The following PPM1A variants were observed in gnomAD, a reference collection of about 807,000 sequenced individuals.
PPM1A encodes protein phosphatase 1A.
PPM1A carries 7 observed loss-of-function variants against 35.0 expected under a neutral mutation model. That is an observed-to-expected ratio of 0.20 (90% CI 0.11 to 0.38). The LOEUF is 0.38. Among genes scored for constraint, PPM1A ranks in the 10% least tolerant of loss-of-function variants. PPM1A has a pLI of 1.00. For missense variants in PPM1A, 239 were observed against 467.8 expected (o/e 0.51, Z 4.51); for synonymous variants, 153 against 167.3 (o/e 0.91, Z 0.66).
chr14:60,258,307 C>T (rs1376865100), intron 1 of PPM1A, among the ~76,000 whole-genome samples: 1 of 152,064 alleles, frequency 6.6e-6, no homozygotes, highest in South Asian at 2.1e-4. Flanking sequence ...CCCAGAAATT[C>T]GTTTGTGTCT....
intron 1 of PPM1A, among the ~76,000 whole-genome samples, chr14:60,262,487 C>T (rs1472838566): frequency 6.6e-6 from 1 of 152,074 alleles, no homozygotes; most frequent in East Asian, 1.9e-4. Context: ...AGTTTGAGAC[C>T]AGCCAGGGCA....
chr14:60,246,267 T>C (rs2139282700), upstream of PPM1A, among the ~76,000 whole-genome samples: 1 of 152,294 alleles, frequency 6.6e-6, no homozygotes, highest in Non-Finnish European at 1.5e-5. Context: ...ATGTAAACCT[T>C]TTTTTAAGTC....
intron 3 of PPM1A, chr14:60,287,343 T>G (rs1887122500): frequency 2.0e-6 from 2 of 983,966 alleles, no homozygotes; most frequent in African/African-American, 3.5e-5. Context: ...TAAAGTGTTA[T>G]TATACTTGTA....
rs1888176594 is a variant in PPM1A at position 60,297,897 on chromosome 14, G to A, written c.*5415G>A. 1 of 151,416 alleles carries A rather than the reference G, an allele frequency of 6.6e-6. No homozygotes were observed. The highest frequency in any genetic ancestry group is 1.5e-5 in the Non-Finnish European group (1 of 67,580). The allele number at this position is 151,416 out of a possible 1,614,324, so 9.4% of individuals were successfully genotyped here. On this transcript the variant is annotated 3_prime_UTR_variant, in exon 6 of 6. Coordinates refer to ENST00000395076, the MANE Select transcript of PPM1A (RefSeq NM_021003.5). ...TATTGTAGTGGTTCATGGGCCCCCT[G>A]GTTAAGAGCCCATTCTAAAGTACAA...
At chr14:60,266,523 G>T (rs1884398777) in intron 1 of PPM1A, among the ~76,000 whole-genome samples, 2 of 151,964 alleles carry the variant, frequency 1.3e-5, no homozygotes, top group Non-Finnish European at 2.9e-5. Context: ...TTAATCTCTT[G>T]GTATTTATTT....
At chr14:60,265,220 A>G (rs1477190384) in intron 1 of PPM1A, among the ~76,000 whole-genome samples, 9 of 152,166 alleles carry the variant, frequency 5.9e-5, no homozygotes, top group Non-Finnish European at 4.4e-5. Flanking sequence ...ATTTCTTCTC[A>G]CTGGACACAT....
chr14:60,289,886 C>T lies in PPM1A; in HGVS notation c.1033C>T (p.Leu345Phe). 1 of 1,589,592 alleles carries T rather than the reference C, an allele frequency of 6.3e-7. No homozygotes were observed. Among genetic ancestry groups the T allele is most frequent in the Non-Finnish European group, 8.5e-7 (1 of 1,172,850 alleles). Residue 345 changes from leucine (L) to phenylalanine (F), a missense_variant, in exon 4 of 6, where the codon CTC becomes TTC. Leu to Phe is a conservative substitution (Grantham distance 22, BLOSUM62 0). This residue lies in a region of PPM1A where 64 missense variants were observed against 78.6 expected (regional missense o/e 0.81). Transcript: ENST00000395076. The surrounding 1 kb of genome is among the most constrained non-coding windows in gnomAD (Gnocchi z 4.1). ...RTLASENIPS[L>F]PPGGELASKR... ...ATTAGCGAGTGAGAACATCCCCAGC[C>T]TCCCACCAGGGGGTGAATTGGCAAG...
intron 1 of PPM1A, among the ~76,000 whole-genome samples, chr14:60,279,864 C>T (rs1324280525): frequency 6.6e-6 from 1 of 152,052 alleles, no homozygotes; most frequent in East Asian, 1.9e-4. Flanking sequence ...CCTCCTCTGG[C>T]AGAAAAAATG....
intron 1 of PPM1A, among the ~76,000 whole-genome samples, chr14:60,260,036 T>C (rs933055449): frequency 1.1e-4 from 16 of 152,110 alleles, no homozygotes; most frequent in African/African-American, 3.6e-4. Context: ...CTTTGTGAGA[T>C]TGAAACTGCT....
At chr14:60,249,129 G>T (rs1192229539), upstream of PPM1A, 1 of 708,998 alleles carries the variant, frequency 1.4e-6, no homozygotes, top group Non-Finnish European at 1.7e-6. The surrounding 1 kb of genome is among the most constrained non-coding windows in gnomAD (Gnocchi z 4.5). Flanking sequence ...CCGCGCCGCA[G>T]CTGTAGCGGC....
Position 60,292,373 on chromosome 14 carries a change from C to T in PPM1A, c.1120-80C>T, listed in dbSNP as rs1401574338. The T allele has an allele frequency of 9.5e-7, 1 of 1,047,312 alleles. No homozygotes were observed. The highest frequency in any genetic ancestry group is 1.6e-5 in the African/African-American group (1 of 63,556). The allele number at this position is 1,047,312 out of a possible 1,614,324, so 64.9% of individuals were successfully genotyped here. A position where few individuals can be genotyped will look rare whatever the true frequency, so the allele number is the denominator to read the frequency against. On this transcript the variant is annotated intron_variant, in intron 5 of 5. Transcript: ENST00000395076. This position sits in a 1 kb window ranked among gnomAD's most constrained non-coding sequence, Gnocchi z 4.2. ...GTCATCTTTACAGAACATTATCTTTCTCCATTATCCAGAAAGTATGGTGTA... is the reference window on the plus strand; with the variant it reads ...GTCATCTTTACAGAACATTATCTTTTTCCATTATCCAGAAAGTATGGTGTA...
At chr14:60,264,502 CAT>C (rs1418040219) in intron 1 of PPM1A, among the ~76,000 whole-genome samples, 4 of 152,062 alleles carry the variant, frequency 2.6e-5, no homozygotes, top group Non-Finnish European at 2.9e-5. Context: ...ATAACTGTGA[CAT>C]GTTAATATTT....
At chr14:60,249,220 T>C, upstream of PPM1A, 2 of 983,936 alleles carry the variant, frequency 2.0e-6, no homozygotes, top group Non-Finnish European at 2.4e-6. This position sits in a 1 kb window ranked among gnomAD's most constrained non-coding sequence, Gnocchi z 4.5. Context: ...GGGGCCGCGC[T>C]AGAGGCGGCG....
chr14:60,282,561 T>C lies in PPM1A; in HGVS notation c.-20-123T>C, dbSNP rs958753115. 1.6e-6 allele frequency: 2 copies of C among 1,241,034 alleles called. No homozygotes were observed. Among genetic ancestry groups the C allele is most frequent in the South Asian group, 1.5e-5 (1 of 64,790 alleles). The allele number at this position is 1,241,034 out of a possible 1,614,324, so 76.9% of individuals were successfully genotyped here. A position where few individuals can be genotyped will look rare whatever the true frequency, so the allele number is the denominator to read the frequency against. On this transcript the variant is annotated intron_variant, in intron 1 of 5. Coordinates refer to ENST00000395076, the MANE Select transcript of PPM1A (RefSeq NM_021003.5). The surrounding 1 kb of genome is among the most constrained non-coding windows in gnomAD (Gnocchi z 5.1). Reference sequence around the variant, plus strand: ...TCCAGATTCCAAGTCAGCAACACAATGAATGTCTGCTTATCGCGAGTTGTG... The same window carrying C: ...TCCAGATTCCAAGTCAGCAACACAACGAATGTCTGCTTATCGCGAGTTGTG...
chr14:60,287,723 T>C, intron 3 of PPM1A: 1 of 985,140 alleles, frequency 1.0e-6, no homozygotes, highest in African/African-American at 1.7e-5. Flanking sequence ...TTCTAAATAC[T>C]TGACTCTCTG....
Position 60,273,675 on chromosome 14 carries a change from C to T in PPM1A, c.-20-9009C>T, listed in dbSNP as rs542191635. ...AGGATCCACGTGAAGAGACTAAAGACGCTAGTATTCTGCAGTGAGAATGAT... is the reference window on the plus strand; with the variant it reads ...AGGATCCACGTGAAGAGACTAAAGATGCTAGTATTCTGCAGTGAGAATGAT... On this transcript the variant is annotated intron_variant, in intron 1 of 5. Coordinates refer to ENST00000395076, the MANE Select transcript of PPM1A (RefSeq NM_021003.5). The surrounding 1 kb of genome is among the most constrained non-coding windows in gnomAD (Gnocchi z 4.3). 4.6e-5 allele frequency among the ~76,000 whole-genome samples: 7 copies of T among 152,182 alleles called. No homozygotes were observed. Among genetic ancestry groups the T allele is most frequent in the African/African-American group, 1.4e-4 (6 of 41,518 alleles).
At chr14:60,268,578 A>G (rs1221883828) in intron 1 of PPM1A, 5 of 228,982 alleles carry the variant, frequency 2.2e-5, no homozygotes, top group Non-Finnish European at 3.6e-5. Context: ...TTTATTTTGT[A>G]TGTGTGTGTG....
chr14:60,286,963 T>A (rs956858666), intron 3 of PPM1A: 2 of 889,516 alleles, frequency 2.2e-6, no homozygotes, highest in African/African-American at 1.8e-5. Flanking sequence ...AGTACAATTT[T>A]AAAATATTTA....
chr14:60,253,905 C>T (rs2139329791), intron 1 of PPM1A, among the ~76,000 whole-genome samples: 2 of 152,254 alleles, frequency 1.3e-5, no homozygotes, highest in Admixed American at 1.3e-4. Flanking sequence ...CAGTTTGAGT[C>T]CCTGTTCTCC....
Sources: allele counts gnomAD v4.1 joint callset (sites outside exome capture counted in the v4.1 genomes callset), GRCh38; gene constraint gnomAD v4.1.1; regional missense constraint gnomAD v4.1.1; non-coding constraint Gnocchi (gnomAD v3.1); transcripts MANE v1.5; gene names NCBI Gene and HGNC (gene_info 2026-07-23, HGNC 2026-07-21).